NLRP3: variants seen among roughly 807,000 people sequenced by gnomAD.
The protein encoded by NLRP3 is NLR family pyrin domain containing 3, also known as NACHT, LRR and PYD domains-containing protein 3.
A neutral mutation model predicts 91.3 loss-of-function variants in NLRP3; 48 were observed. That is an observed-to-expected ratio of 0.53 (90% CI 0.42 to 0.67). The LOEUF is 0.67. NLRP3 is among the 30% of genes least tolerant of loss of function. NLRP3 has a pLI of 0.00. For missense variants in NLRP3, 982 were observed against 1,276.9 expected (o/e 0.77, Z 3.52); for synonymous variants, 561 against 507.9 (o/e 1.10, Z -1.41).
intron 5 of NLRP3, among the ~76,000 whole-genome samples, chr1:247,430,331 C>T (rs1229875948): frequency 2.6e-5 from 4 of 152,174 alleles, no homozygotes; most frequent in Non-Finnish European, 5.9e-5. Flanking sequence ...GTAGATGCCC[C>T]CTTCTCCCTG....
chr1:247,446,471 AC>A (rs1327683716), intron 9 of NLRP3, among the ~76,000 whole-genome samples: 1 of 152,028 alleles, frequency 6.6e-6, no homozygotes, highest in African/African-American at 2.4e-5. Flanking sequence ...GCTTCTCCCA[AC>A]CCTTGCTTAT....
At chr1:247,428,883 C>A (rs1173172968) in intron 4 of NLRP3, among the ~76,000 whole-genome samples, 3 of 141,404 alleles carry the variant, frequency 2.1e-5, no homozygotes, top group Non-Finnish European at 3.1e-5. Context: ...CCTGGGCTTG[C>A]GATTTTCTTT....
intron 9 of NLRP3, 53 bp downstream of exon 9, chr1:247,444,874 C>T (rs1206268265): frequency 8.2e-6 from 13 of 1,580,628 alleles, no homozygotes; most frequent in East Asian, 2.2e-5. Context: ...TCTCAGGAAA[C>T]GTTGACTGTT....
intron 7 of NLRP3, among the ~76,000 whole-genome samples, chr1:247,442,870 A>AC (rs1664323554): frequency 6.6e-6 from 1 of 152,160 alleles, no homozygotes; most frequent in Non-Finnish European, 1.5e-5. Flanking sequence ...CAGGAGTTTA[A>AC]GACTGCAGTG....
chr1:247,447,394 C>T (rs367712620), intron 9 of NLRP3, among the ~76,000 whole-genome samples: 1 of 152,210 alleles, frequency 6.6e-6, no homozygotes, highest in East Asian at 1.9e-4. Context: ...ACTCTAACTA[C>T]TTCCCAAGGG....
chr1:247,448,653 G>C lies in NLRP3; in HGVS notation c.*149G>C, dbSNP rs1257275993. ...TCGGAGAAGAGAGCTTGCCGACGAT[G>C]CCTTCCTGTGCAGAGCTTGGGCATC... On this transcript the variant is annotated 3_prime_UTR_variant, in exon 10 of 10. Coordinates refer to ENST00000336119, the MANE Select transcript of NLRP3 (RefSeq NM_001243133.2). 2 of 694,712 alleles carry C rather than the reference G, an allele frequency of 2.9e-6. No individual in the cohort carries two copies. The highest frequency in any genetic ancestry group is 5.3e-6 in the Non-Finnish European group (2 of 377,268). 43.0% of individuals were successfully genotyped at this position (694,712 alleles called of 1,614,324 possible).
chr1:247,422,957 T>C lies in NLRP3; in HGVS notation c.278-273T>C, dbSNP rs74154636. 3.4e-3 allele frequency among the ~76,000 whole-genome samples: 512 copies of C among 152,332 alleles called. 5 individuals are homozygous for C. Among genetic ancestry groups the C allele is most frequent in the African/African-American group, 0.012 (499 of 41,570 alleles). On this transcript the variant is annotated intron_variant, in intron 2 of 9. Transcript: ENST00000336119. ...TTAGCCTGCTTCGCATGTTTGCTGA[T>C]TGATTTCCAGGCCTGAGGAAGAGAT...
At chr1:247,426,542 G>A (rs768640551) in intron 4 of NLRP3, among the ~76,000 whole-genome samples, 1 of 152,310 alleles carries the variant, frequency 6.6e-6, no homozygotes, top group South Asian at 2.1e-4. Flanking sequence ...CCTTCCACAG[G>A]CAACAATGAG....
At chr1:247,441,200 C>CA (rs1558207368) in intron 7 of NLRP3, among the ~76,000 whole-genome samples, 1 of 108,708 alleles carries the variant, frequency 9.2e-6, no homozygotes, top group Admixed American at 1.0e-4. Context: ...CCCTCCCCCC[C>CA]CCCTTTCCCT....
chr1:247,427,549 C>T (rs534816575), intron 4 of NLRP3, among the ~76,000 whole-genome samples: 9 of 150,248 alleles, frequency 6.0e-5, no homozygotes, highest in African/African-American at 2.3e-4. Flanking sequence ...TGACTGGAGC[C>T]CTGGTAGGGG....
In NLRP3 at chr1:247,446,359, CTT is replaced by C. The variant is rs147316904; in HGVS notation, c.3005+1539_3005+1540del. Among the ~76,000 whole-genome samples the C allele has an allele frequency of 2.6e-5, 4 of 152,358 alleles. No individual in the cohort carries two copies. In the East Asian group the frequency reaches 7.7e-4, roughly 29 times the overall value. ...AAAACGTAACTCGCATCATATCACT[CTT>C]GTCAACATCGTCTTCTTATCACTTT... On this transcript the variant is annotated intron_variant, in intron 9 of 9. Transcript: ENST00000336119.
In NLRP3 at chr1:247,423,285, T is replaced by G; in HGVS notation, c.333T>G (p.Ile111Met). 4 of 1,614,108 alleles carry G rather than the reference T, an allele frequency of 2.5e-6. No individual in the cohort carries two copies. The highest frequency in any genetic ancestry group is 2.5e-6 in the Non-Finnish European group (3 of 1,180,004). ...CTGTGATATGCCAGGAAGACAGCAT[T>G]GAAGAGGAGTGGATGGGTTTACTGG... ...NPTVICQEDS[I>M]EEEWMGLLEY... Residue 111 changes from isoleucine (I) to methionine (M), a missense_variant, in exon 3 of 10, where the codon ATT becomes ATG. Ile to Met is a conservative substitution (Grantham distance 10). Coordinates refer to ENST00000336119, the MANE Select transcript of NLRP3 (RefSeq NM_001243133.2).
At chr1:247,422,884 C>A (rs12403988) in intron 2 of NLRP3, among the ~76,000 whole-genome samples, 1 of 152,208 alleles carries the variant, frequency 6.6e-6, no homozygotes, top group African/African-American at 2.4e-5. Flanking sequence ...GATGCCCTCA[C>A]AATCAGGCTG....
chr1:247,426,644 G>A (rs765088317), intron 4 of NLRP3, among the ~76,000 whole-genome samples: 14 of 152,328 alleles, frequency 9.2e-5, no homozygotes, highest in Non-Finnish European at 1.5e-4. Flanking sequence ...CCACAGGGCC[G>A]CAGTGGTGGT....
intron 1 of NLRP3, among the ~76,000 whole-genome samples, chr1:247,417,501 G>A (rs954098649): frequency 2.0e-5 from 3 of 152,086 alleles, no homozygotes; most frequent in African/African-American, 7.2e-5. Context: ...TATTTTTTGA[G>A]ATGGAGTTTT....
Position 247,418,869 on chromosome 1 carries a change from T to G in NLRP3, c.69T>G (p.Phe23Leu), listed in dbSNP as rs149709470. 2 of 1,613,936 alleles carry G rather than the reference T, an allele frequency of 1.2e-6. No individual in the cohort carries two copies. The highest frequency in any genetic ancestry group is 2.7e-5 in the African/African-American group (2 of 74,864). Residue 23 changes from phenylalanine to leucine, a missense_variant, in exon 2 of 10, where the codon TTT (phenylalanine) becomes TTG (leucine). Coordinates refer to ENST00000336119, the MANE Select transcript of NLRP3 (RefSeq NM_001243133.2). Reference sequence around the variant, plus strand: ...TGGAGGATGTGGACTTGAAGAAATTTAAGATGCACTTAGAGGACTATCCTC... The same window carrying G: ...TGGAGGATGTGGACTTGAAGAAATTGAAGATGCACTTAGAGGACTATCCTC... ...EDLEDVDLKKFKMHLEDYPPQ... is the reference protein window; with the variant it reads ...EDLEDVDLKKLKMHLEDYPPQ...
chr1:247,431,333 A>G (rs1038641023), intron 5 of NLRP3, among the ~76,000 whole-genome samples: 1 of 152,228 alleles, frequency 6.6e-6, no homozygotes, highest in African/African-American at 2.4e-5. Context: ...AGGCGTCTGC[A>G]TTTTTGAGGA....
At position 247,444,490 on chromosome 1, in the gene NLRP3, G is replaced by T. The variant is rs150528208; in HGVS notation, c.2835-161G>T. 3.4e-4 allele frequency among the ~76,000 whole-genome samples: 51 copies of T among 151,252 alleles called. No homozygotes were observed. The South Asian group carries it at 4.0e-3, about 12-fold the overall frequency. On this transcript the variant is annotated intron_variant, in intron 8 of 9. Transcript: ENST00000336119. The stretch of plus-strand genomic sequence containing the variant: ...CAGTGGATTTGAAAAAGAGAGAGAA[G>T]AATAATTACCAGCATACAAGGCTGC...
In NLRP3 at chr1:247,425,386, A is replaced by T; in HGVS notation, c.1937A>T (p.Asp646Val). The change falls in exon 4 of 10, where the codon GAC becomes GTC. Residue 646 changes from aspartate (D) to valine (V), a missense_variant. By Grantham distance (152) the Asp-to-Val change is radical. This residue lies in a region of NLRP3 where 373 missense variants were observed against 431.5 expected (regional missense o/e 0.86). Coordinates refer to ENST00000336119, the MANE Select transcript of NLRP3 (RefSeq NM_001243133.2). This position sits in a 1 kb window ranked among gnomAD's most constrained non-coding sequence, Gnocchi z 4.1. ...QEEDFVQRAM[D>V]YFPKIEINLS... ...GAGGACTTCGTGCAAAGGGCCATGG[A>T]CTATTTCCCCAAGATTGAGATCAAT... is the stretch of plus-strand genomic sequence containing the variant. 6.2e-7 allele frequency: 1 copy of T among 1,614,186 alleles called. No homozygotes were observed. Among genetic ancestry groups the T allele is most frequent in the Non-Finnish European group, 8.5e-7 (1 of 1,180,030 alleles).
Sources: gnomAD v4.1 joint callset for allele counts (sites outside exome capture counted in the v4.1 genomes callset) on GRCh38, gnomAD v4.1.1 for gene constraint, gnomAD v4.1.1 regional missense constraint, Gnocchi (gnomAD v3.1) non-coding constraint, MANE v1.5 for transcripts, NCBI Gene and HGNC (gene_info 2026-07-23, HGNC 2026-07-21) for gene names.